Variants in PRH1 observed in about 807,000 individuals in gnomAD.
PRH1 encodes the protein proline rich protein HaeIII subfamily 1.
PRH1 carries 7 observed loss-of-function variants against 7.9 expected under a neutral mutation model. The observed-to-expected ratio is 0.89, with a 90% CI of 0.50 to 1.67. The LOEUF is 1.67. PRH1 is among the 40% of genes most tolerant of loss of function. PRH1 has a pLI of 0.00. For synonymous variants in PRH1, 45 were observed against 80.8 expected (o/e 0.56, Z 2.38); for missense variants, 109 against 223.6 (o/e 0.49, Z 3.27).
At chr12:10,945,749 C>T (rs575181454) in intron 2 of PRH1, among the ~76,000 whole-genome samples, 9 of 152,240 alleles carry the variant, frequency 5.9e-5, no homozygotes, top group Admixed American at 2.6e-4. Flanking sequence ...GGGAGTGCTA[C>T]GGGAGACCAG....
intron 1 of PRH1, among the ~76,000 whole-genome samples, chr12:10,990,563 C>A (rs545403536): frequency 2.0e-5 from 3 of 152,266 alleles, no homozygotes; most frequent in Middle Eastern, 3.4e-3. Context: ...TTTGGCCTTA[C>A]TCTAATGAGA....
intron 2 of PRH1, among the ~76,000 whole-genome samples, chr12:10,946,615 G>GT (rs1365864748): frequency 3.9e-5 from 6 of 152,060 alleles, no homozygotes; most frequent in Admixed American, 3.9e-4. Context: ...CTTTTGAATG[G>GT]TTTTTTGTGT....
At chr12:10,945,779 C>A (rs1368049508) in intron 2 of PRH1, among the ~76,000 whole-genome samples, 1 of 152,152 alleles carries the variant, frequency 6.6e-6, no homozygotes, top group Admixed American at 6.5e-5. Context: ...CATCCCTCAG[C>A]TAAGACTGTA....
At chr12:10,938,344 T>C (rs1483533434) in intron 2 of PRH1, 1 of 1,614,072 alleles carries the variant, frequency 6.2e-7, no homozygotes, top group Non-Finnish European at 8.5e-7. Context: ...GAGAGGCCTG[T>C]CTCAGCTTCT....
chr12:11,017,701 C>G (rs1427837361), intron 1 of PRH1, among the ~76,000 whole-genome samples: 2 of 151,956 alleles, frequency 1.3e-5, no homozygotes, highest in Non-Finnish European at 1.5e-5. Context: ...CCATGTTGCT[C>G]AGGCTAGTCT....
chr12:11,148,732 AT>A (rs1946954972), intron 1 of PRH1, among the ~76,000 whole-genome samples: 1 of 113,524 alleles, frequency 8.8e-6, no homozygotes, highest in East Asian at 2.1e-4. Flanking sequence ...CATCAAGGAT[AT>A]TAGTCTAAAA....
At chr12:11,013,260 G>C (rs1465007483) in intron 1 of PRH1, among the ~76,000 whole-genome samples, 4 of 152,012 alleles carry the variant, frequency 2.6e-5, no homozygotes, top group Admixed American at 6.6e-5. Flanking sequence ...GTAGACAAAA[G>C]AACAATGAAA....
At position 10,911,060 on chromosome 12, in the gene PRH1, A is replaced by G. The variant is rs138163990; in HGVS notation, c.-58-26785T>C. Among the ~76,000 whole-genome samples, 46 of 152,342 alleles carry G rather than the reference A, an allele frequency of 3.0e-4. No homozygotes were observed. The East Asian group carries it at 8.7e-3, about 29-fold the overall frequency. On this transcript the variant is annotated intron_variant, in intron 2 of 3. Coordinates refer to the PRH1 transcript ENST00000539853. ...AACAGTTTGTTAGGTTTGTATATTT[A>G]TGACCTTTAAATATGTAGCTATGTG...
chr12:10,894,415 C>A (rs1949616815), intron 2 of PRH1, among the ~76,000 whole-genome samples: 1 of 152,126 alleles, frequency 6.6e-6, no homozygotes, highest in Non-Finnish European at 1.5e-5. Flanking sequence ...ATGTACATTT[C>A]AATTGACTTT....
chr12:11,042,780 C>T (rs1435812540), intron 1 of PRH1, among the ~76,000 whole-genome samples: 1 of 151,894 alleles, frequency 6.6e-6, no homozygotes, highest in South Asian at 2.1e-4. Context: ...CAGGCGCCCA[C>T]CACCACGCCC....
chr12:10,935,379 A>G (rs1326662785), intron 2 of PRH1, among the ~76,000 whole-genome samples: 1 of 152,156 alleles, frequency 6.6e-6, no homozygotes, highest in Non-Finnish European at 1.5e-5. Flanking sequence ...AAACATAATT[A>G]CCCTTGATAT....
At chr12:11,115,310 C>A (rs1024708065) in intron 1 of PRH1, among the ~76,000 whole-genome samples, 2 of 151,926 alleles carry the variant, frequency 1.3e-5, no homozygotes, top group Non-Finnish European at 2.9e-5. Flanking sequence ...ATAAAGGTCA[C>A]CATATAATGA....
At chr12:10,952,092 C>A (rs946128993) in intron 2 of PRH1, among the ~76,000 whole-genome samples, 9 of 152,194 alleles carry the variant, frequency 5.9e-5, no homozygotes, top group Non-Finnish European at 1.2e-4. Context: ...ATTTGTATAA[C>A]TGATTTCAAT....
At chr12:11,069,687 C>T (rs1054150365) in intron 1 of PRH1, among the ~76,000 whole-genome samples, 1 of 152,158 alleles carries the variant, frequency 6.6e-6, no homozygotes, top group Non-Finnish European at 1.5e-5. Context: ...GTTCATAAGC[C>T]AATAGTTGAA....
At chr12:11,086,325 G>A (rs73264471) in intron 1 of PRH1, among the ~76,000 whole-genome samples, 3,145 of 118,414 alleles carry the variant, frequency 0.027, 329 homozygotes, top group African/African-American at 0.083. Context: ...ACTATTCCTC[G>A]GACACTTAAA....
chr12:10,946,484 A>G (rs1950489236), intron 2 of PRH1, among the ~76,000 whole-genome samples: 1 of 152,128 alleles, frequency 6.6e-6, no homozygotes, highest in Non-Finnish European at 1.5e-5. Context: ...GGTAAGTAAT[A>G]ACATTCCTTT....
At chr12:11,033,578 G>T (rs1369333027) in intron 1 of PRH1, among the ~76,000 whole-genome samples, 1 of 152,090 alleles carries the variant, frequency 6.6e-6, no homozygotes, top group Admixed American at 6.5e-5. Flanking sequence ...ATGGGGAATG[G>T]CAAAGGTTTG....
At chr12:10,923,134 T>C (rs2135851568) in intron 2 of PRH1, among the ~76,000 whole-genome samples, 1 of 147,480 alleles carries the variant, frequency 6.8e-6, no homozygotes, top group African/African-American at 2.5e-5. Context: ...GGCCCTTTTT[T>C]TTTTTTTTGA....
chr12:11,017,558 C>T (rs1292093634), intron 1 of PRH1, among the ~76,000 whole-genome samples: 1 of 152,066 alleles, frequency 6.6e-6, no homozygotes, highest in Non-Finnish European at 1.5e-5. Context: ...AATCCCGGCT[C>T]ACTGCAAACT....
Sources: gnomAD v4.1 joint callset for allele counts (sites outside exome capture counted in the v4.1 genomes callset) on GRCh38, gnomAD v4.1.1 for gene constraint, MANE v1.5 for transcripts, NCBI Gene and HGNC (gene_info 2026-07-23, HGNC 2026-07-21) for gene names.